Variants in ADAMTS16 observed in about 807,000 individuals in gnomAD.
ADAMTS16 encodes the protein A disintegrin and metalloproteinase with thrombospondin motifs 16.
In ADAMTS16, 94 loss-of-function variants were observed where a neutral mutation model predicts 145.8. The observed-to-expected ratio is 0.64, with a 90% CI of 0.55 to 0.77. The LOEUF (loss-of-function observed/expected upper bound fraction) is 0.77, where lower values mean the gene tolerates loss of function less well. Among genes scored for constraint, ADAMTS16 ranks in the 30% least tolerant of loss-of-function variants. The pLI, the probability that ADAMTS16 is intolerant of heterozygous loss-of-function variation, is 0.00. For missense variants in ADAMTS16, 1,585 were observed against 1,591.5 expected, an observed-to-expected ratio of 1.00 and a Z score of 0.07; for synonymous variants, 659 against 604.3, an observed-to-expected ratio of 1.09 and a Z score of -1.33.
rs1364313736 is a variant in ADAMTS16 at position 5,239,697 on chromosome 5, C to T, written c.2295C>T (p.Val765=). 1 of 1,614,076 alleles carries T rather than the reference C, an allele frequency of 6.2e-7. No homozygotes were observed. Among genetic ancestry groups the T allele is most frequent in the Admixed American group, 1.7e-5 (1 of 60,022 alleles). ...HHHTNQYYHM[V]TIPSGARSIR... is the part of the protein sequence containing the mutation. ...TTTATCTAGAGTATTATCACATGGTCACCATTCCTTCTGGAGCCCGGAGTA... is the reference window on the plus strand; with the variant it reads ...TTTATCTAGAGTATTATCACATGGTTACCATTCCTTCTGGAGCCCGGAGTA... Residue 765 remains valine (V), a synonymous_variant, in exon 16 of 23, where the codon GTC becomes GTT. Coordinates refer to ENST00000274181, the MANE Select transcript of ADAMTS16 (RefSeq NM_139056.4).
At chr5:5,276,627 C>T (rs569723513) in intron 18 of ADAMTS16, among the ~76,000 whole-genome samples, 54 of 152,270 alleles carry the variant, frequency 3.5e-4, no homozygotes, top group Admixed American at 5.2e-4. Context: ...CCAGGCGCTA[C>T]GCAGCAGACA....
At chr5:5,285,628 A>C (rs1739075984) in intron 18 of ADAMTS16, among the ~76,000 whole-genome samples, 2 of 152,188 alleles carry the variant, frequency 1.3e-5, no homozygotes, top group Non-Finnish European at 2.9e-5. Context: ...AATACTAGCT[A>C]TTAGTATTAT....
chr5:5,280,795 T>A (rs1463147569), intron 18 of ADAMTS16, among the ~76,000 whole-genome samples: 1 of 152,214 alleles, frequency 6.6e-6, no homozygotes, highest in Non-Finnish European at 1.5e-5. Flanking sequence ...TATAAGCCTA[T>A]AATTAAATAT....
intron 2 of ADAMTS16, among the ~76,000 whole-genome samples, chr5:5,143,499 G>C (rs542171314): frequency 1.3e-5 from 2 of 152,306 alleles, no homozygotes; most frequent in Non-Finnish European, 2.9e-5. Context: ...GAGAGGATGT[G>C]GAGAAATAGG....
intron 3 of ADAMTS16, among the ~76,000 whole-genome samples, chr5:5,171,576 A>G (rs1735043119): frequency 6.6e-6 from 1 of 152,146 alleles, no homozygotes; most frequent in African/African-American, 2.4e-5. Flanking sequence ...TATCACATTG[A>G]TTGATTTGTC....
rs892840035 is a variant in ADAMTS16, at chr5:5,306,639, G to T, written c.3322G>T (p.Ala1108Ser). ...LPKPSLELER[A>S]CAPLPCPRHP... ...GAAGCCCAGCCTGGAGCTGGAACGT[G>T]CCTGCGCCCCGCTTCCATGCCCCAG... is the stretch of plus-strand genomic sequence containing the variant. The change falls in exon 21 of 23, where the codon GCC becomes TCC. Residue 1108 changes from alanine (A) to serine (S), a missense_variant. Physicochemically the swap from Ala to Ser is moderately conservative, Grantham distance 99. This residue lies in a region of ADAMTS16 where 834 missense variants were observed against 811.7 expected (regional missense o/e 1.03). Transcript: ENST00000274181. 16 of 1,614,064 alleles carry T rather than the reference G, an allele frequency of 9.9e-6. No individual in the cohort carries two copies. Among genetic ancestry groups the T allele is most frequent in the Non-Finnish European group, 1.3e-5 (15 of 1,180,036 alleles).
At chr5:5,239,094 G>A in intron 14 of ADAMTS16, 57 bp from the exon 15 acceptor site, 1 of 1,416,468 alleles carries the variant, frequency 7.1e-7, no homozygotes. Context: ...ATTGGTGACA[G>A]TATTGCTGTG....
At chr5:5,262,590 C>T in intron 17 of ADAMTS16, 67 bp from the exon 18 acceptor site, 2 of 1,546,128 alleles carry the variant, frequency 1.3e-6, no homozygotes, top group South Asian at 1.3e-5. Flanking sequence ...TTTATTAGCT[C>T]ATCATCTGCC....
At position 5,303,572 on chromosome 5, in the gene ADAMTS16, T is replaced by G; in HGVS notation, c.2992T>G (p.Cys998Gly). 6.2e-7 allele frequency: 1 copy of G among 1,614,046 alleles called. No homozygotes were observed. The highest frequency in any genetic ancestry group is 8.5e-7 in the Non-Finnish European group (1 of 1,179,978). The change falls in exon 20 of 23, where the codon TGC (cysteine) becomes GGC (glycine). Residue 998 changes from cysteine to glycine, a missense_variant and splice_region_variant. This residue lies in a region of ADAMTS16 where 834 missense variants were observed against 811.7 expected (regional missense o/e 1.03). Transcript: ENST00000274181. ...PAWSAGPWAE[C>G]SHTCGKGWRK... ...TGCTTATCCTGACTGTTCTGTGCAG[T>G]GCTCACACACCTGTGGGAAGGGGTG...
rs1284641197 is a variant in ADAMTS16 at position 5,239,932 on chromosome 5, T to A, written c.2523+7T>A. The A allele has an allele frequency of 6.2e-7, 1 of 1,612,488 alleles. No homozygotes were observed. On this transcript the variant is annotated splice_region_variant and intron_variant, in intron 16 of 22. Transcript: ENST00000274181. ...CGAGACACTGATTGTGGAGGTAAAG[T>A]CCAGCCTCTTGATTTTGGGGCTTGG... is the stretch of plus-strand genomic sequence containing the variant.
chr5:5,318,043 C>CA, intron 21 of ADAMTS16, 91 bp from the exon 22 acceptor site: 1 of 1,260,594 alleles, frequency 7.9e-7, no homozygotes, highest in African/African-American at 1.5e-5. Flanking sequence ...TGGCCTGCAG[C>CA]AGCAGGCCTT....
chr5:5,276,844 A>T (rs1229157561), intron 18 of ADAMTS16, among the ~76,000 whole-genome samples: 1 of 148,574 alleles, frequency 6.7e-6, no homozygotes, highest in Non-Finnish European at 1.5e-5. Flanking sequence ...TTTTCTTGCC[A>T]AAAACAAGAA....
At chr5:5,248,000 T>C (rs767008220) in intron 17 of ADAMTS16, among the ~76,000 whole-genome samples, 47 of 152,242 alleles carry the variant, frequency 3.1e-4, no homozygotes, top group Non-Finnish European at 6.8e-4. Flanking sequence ...CTCTTCCGAG[T>C]TCAAGGTCCT....
chr5:5,189,891 T>C, intron 6 of ADAMTS16, 80 bp from the exon 7 acceptor site: 2 of 1,537,446 alleles, frequency 1.3e-6, no homozygotes, highest in Non-Finnish European at 1.8e-6. Flanking sequence ...AGGTCAATAA[T>C]AGTTTGCTGT....
At chr5:5,163,245 CT>C (rs1003532933) in intron 3 of ADAMTS16, among the ~76,000 whole-genome samples, 24 of 152,166 alleles carry the variant, frequency 1.6e-4, no homozygotes, top group African/African-American at 5.8e-4. Flanking sequence ...TTAGAAAATT[CT>C]TTTTAGAAAC....
chr5:5,244,366 T>C (rs1737378219), intron 17 of ADAMTS16, among the ~76,000 whole-genome samples: 1 of 152,228 alleles, frequency 6.6e-6, no homozygotes, highest in Admixed American at 6.5e-5. Context: ...GTTATTGCCA[T>C]GTATTGAGCA....
intron 9 of ADAMTS16, among the ~76,000 whole-genome samples, chr5:5,208,118 T>C (rs545082843): frequency 6.6e-6 from 1 of 152,322 alleles, no homozygotes; most frequent in South Asian, 2.1e-4. Flanking sequence ...CCCTAATCTC[T>C]GGTATAATTC....
intron 17 of ADAMTS16, among the ~76,000 whole-genome samples, chr5:5,247,051 C>T (rs1272943491): frequency 6.6e-6 from 1 of 152,196 alleles, no homozygotes; most frequent in African/African-American, 2.4e-5. Context: ...TAAAGAGCAG[C>T]AGTGGGCTTT....
At chr5:5,178,603 T>C (rs1233693803) in intron 3 of ADAMTS16, among the ~76,000 whole-genome samples, 1 of 152,208 alleles carries the variant, frequency 6.6e-6, no homozygotes, top group Non-Finnish European at 1.5e-5. Context: ...TTTAATGAAA[T>C]TGGAGATTAT....
Sources: gnomAD v4.1 joint callset for allele counts (sites outside exome capture counted in the v4.1 genomes callset) on GRCh38, gnomAD v4.1.1 for gene constraint, gnomAD v4.1.1 regional missense constraint, MANE v1.5 for transcripts, NCBI Gene and HGNC (gene_info 2026-07-23, HGNC 2026-07-21) for gene names.